The following LOXHD1 variants were observed in gnomAD, a reference collection of about 807,000 sequenced individuals.
LOXHD1 encodes the protein lipoxygenase homology domain-containing protein 1.
Under a neutral mutation model 248.2 loss-of-function variants are expected in LOXHD1, and 205 were observed. The ratio of observed to expected loss-of-function variants is 0.83; its 90% CI spans 0.74 to 0.93. The LOEUF is 0.93. Ranked by LOEUF, LOXHD1 falls within the 40% of genes least tolerant of loss-of-function variation. The pLI is 0.00. For missense variants in LOXHD1, 2,930 were observed against 2,971.6 expected, an observed-to-expected ratio of 0.99 and a Z score of 0.33; for synonymous variants, 1,113 against 1,162.8, an observed-to-expected ratio of 0.96 and a Z score of 0.87.
intron 6 of LOXHD1, among the ~76,000 whole-genome samples, chr18:46,604,768 C>A (rs922595582): frequency 2.0e-5 from 3 of 152,142 alleles, no homozygotes; most frequent in African/African-American, 7.2e-5. Context: ...GACTCCCATG[C>A]GAGCTAAGTT....
At chr18:46,563,750 C>T (rs2037578416) in intron 17 of LOXHD1, among the ~76,000 whole-genome samples, 1 of 152,084 alleles carries the variant, frequency 6.6e-6, no homozygotes, top group South Asian at 2.1e-4. Context: ...AATGAGACCC[C>T]CAAGGGCAGG....
chr18:46,561,668 C>G (rs2037532394), intron 18 of LOXHD1, among the ~76,000 whole-genome samples: 1 of 152,188 alleles, frequency 6.6e-6, no homozygotes, highest in South Asian at 2.1e-4. Context: ...AGAACTCAGG[C>G]CTTCTGACCC....
At chr18:46,509,422 C>T in intron 35 of LOXHD1, 1 of 445,224 alleles carries the variant, frequency 2.2e-6, no homozygotes, top group South Asian at 2.2e-5. Flanking sequence ...AAGCCCACAC[C>T]ACCCCTCCCC....
At chr18:46,526,306 A>G (rs1465614288) in intron 29 of LOXHD1, among the ~76,000 whole-genome samples, 7 of 152,218 alleles carry the variant, frequency 4.6e-5, no homozygotes, top group Non-Finnish European at 1.0e-4. Flanking sequence ...CCTTTCCTGC[A>G]GAAAGTTGTG....
At chr18:46,574,419 A>ACACACACACACACACACACACC (rs1357990413) in intron 14 of LOXHD1, among the ~76,000 whole-genome samples, 4 of 149,040 alleles carry the variant, frequency 2.7e-5, no homozygotes, top group African/African-American at 7.5e-5. Flanking sequence ...ACACACACAC[A>ACACACACACACACACACACACC]CCTGATCCTA....
chr18:46,484,995 T>C, intron 39 of LOXHD1, 24 bp downstream of exon 39: 55 of 1,054,494 alleles, frequency 5.2e-5, no homozygotes, highest in East Asian at 9.4e-5. Context: ...CCCCCACCAC[T>C]TCCCATGGGC....
intron 14 of LOXHD1, among the ~76,000 whole-genome samples, chr18:46,572,760 C>T (rs550880540): frequency 3.9e-5 from 6 of 152,122 alleles, no homozygotes; most frequent in East Asian, 1.9e-4. Flanking sequence ...CCCAGGCTGT[C>T]GGCAGCCTGC....
chr18:46,622,717 C>T (rs922986585), intron 4 of LOXHD1, among the ~76,000 whole-genome samples: 3 of 152,202 alleles, frequency 2.0e-5, no homozygotes, highest in Non-Finnish European at 2.9e-5. Flanking sequence ...ATGTCCTATG[C>T]CCATTGTGAA....
chr18:46,509,620 G>C (rs955642250), intron 35 of LOXHD1, 78 bp downstream of exon 35: 26 of 1,032,352 alleles, frequency 2.5e-5, no homozygotes, highest in Non-Finnish European at 3.9e-5. Flanking sequence ...CTTTAACAAG[G>C]TCCATTGACA....
chr18:46,611,039 C>T lies in LOXHD1; in HGVS notation c.611-115G>A, dbSNP rs1435449830. The T allele has an allele frequency of 6.5e-6, 8 of 1,228,940 alleles. No homozygotes were observed. In the African/African-American group the frequency reaches 1.1e-4, roughly 16 times the overall value. The allele number at this position is 1,228,940 out of a possible 1,614,324, so 76.1% of individuals were successfully genotyped here. A position where few individuals can be genotyped will look rare whatever the true frequency, so the allele number is the denominator to read the frequency against. ...TTCCAAAGTTAACAAGGGCAACTTC[C>T]TCCTGAGATCTAAGGGCTCCTTACA... On this transcript the variant is annotated intron_variant, in intron 5 of 40. Transcript: ENST00000642948.
intron 14 of LOXHD1, among the ~76,000 whole-genome samples, chr18:46,574,615 T>TAAAA (rs534992278): frequency 8.1e-6 from 1 of 122,998 alleles, no homozygotes; most frequent in Non-Finnish European, 1.7e-5. Context: ...ACCCATTTTC[T>TAAAA]AAAAAAAAAA....
intron 15 of LOXHD1, 29 bp downstream of exon 15, chr18:46,572,057 C>G: frequency 1.3e-6 from 2 of 1,547,190 alleles, no homozygotes; most frequent in South Asian, 2.4e-5. Flanking sequence ...CAAGGGCACA[C>G]CCAGCACCTG....
rs932700638 is a variant in LOXHD1, at chr18:46,577,749, T to A, written c.1928A>T (p.Glu643Val). 7.3e-5 allele frequency: 113 copies of A among 1,551,466 alleles called. No individual in the cohort carries two copies. The highest frequency in any genetic ancestry group is 9.7e-5 in the Non-Finnish European group (111 of 1,146,952). ...WYLDRVLVRE[E>V]GQPESDNVEF... is the part of the protein sequence containing the mutation. The stretch of plus-strand genomic sequence containing the variant: ...CACGTTGTCGCTCTCAGGCTGCCCC[T>A]CCTCTCTCACCAGCACTCTGTCCAG... Residue 643 changes from glutamate (E) to valine (V), a missense_variant, in exon 14 of 41, where the codon GAG becomes GTG. Transcript: ENST00000642948.
chr18:46,534,886 CT>C (rs2036240387), intron 26 of LOXHD1, among the ~76,000 whole-genome samples: 2 of 152,232 alleles, frequency 1.3e-5, no homozygotes, highest in Non-Finnish European at 2.9e-5. Context: ...CCAGCCACTC[CT>C]TTTCTGTGCT....
chr18:46,566,567 G>A (rs2037646959), intron 16 of LOXHD1, 118 bp from the exon 17 acceptor site: 1 of 885,630 alleles, frequency 1.1e-6, no homozygotes. Flanking sequence ...GTCCCCAGGA[G>A]AGGGAAGATC....
intron 28 of LOXHD1, among the ~76,000 whole-genome samples, chr18:46,529,598 G>C (rs417881): frequency 0.97 from 148,209 of 152,276 alleles, 72,257 homozygotes; most frequent in Middle Eastern, 1. Flanking sequence ...CCCCTCAAAC[G>C]ATCTATCTGC....
chr18:46,505,952 T>A lies in LOXHD1; in HGVS notation c.5764A>T (p.Lys1922Ter), dbSNP rs2143887823. ...AACTTGTTCCAGTTTGCCGACTGCT[T>A]CAGGGCCAGTGTCCCACTATCCCCG... ...ENGDSGTLAL[K>*]QSANWNKFER... is the part of the protein sequence containing the mutation. The change falls in exon 37 of 41, where the codon AAG becomes TAG. Residue 1922 changes from lysine to a stop codon, truncating the protein, a stop_gained. Coordinates refer to ENST00000642948, the MANE Select transcript of LOXHD1 (RefSeq NM_001384474.1). LOFTEE classifies it high-confidence loss of function. 1 of 1,552,154 alleles carries A rather than the reference T, an allele frequency of 6.4e-7. No homozygotes were observed. The highest frequency in any genetic ancestry group is 8.7e-7 in the Non-Finnish European group (1 of 1,147,088).
At chr18:46,647,303 G>A (rs939740468) in intron 2 of LOXHD1, among the ~76,000 whole-genome samples, 1 of 152,200 alleles carries the variant, frequency 6.6e-6, no homozygotes, top group Non-Finnish European at 1.5e-5. Flanking sequence ...TGGAGGCTCA[G>A]TGGAAATCCA....
intron 6 of LOXHD1, among the ~76,000 whole-genome samples, chr18:46,605,627 AC>A (rs1285534965): frequency 1.3e-5 from 2 of 152,176 alleles, no homozygotes; most frequent in Admixed American, 6.5e-5. Flanking sequence ...AAGAAAAGAA[AC>A]CATCACATCA....
Sources: allele counts gnomAD v4.1 joint callset (sites outside exome capture counted in the v4.1 genomes callset), GRCh38; gene constraint gnomAD v4.1.1; transcripts MANE v1.5; gene names NCBI Gene and HGNC (gene_info 2026-07-23, HGNC 2026-07-21).